Variants in DCLRE1A observed in about 807,000 individuals in gnomAD.
The protein encoded by DCLRE1A is DNA cross-link repair 1A protein.
DCLRE1A carries 64 observed loss-of-function variants against 91.9 expected under a neutral mutation model. The observed-to-expected ratio is 0.70, with a 90% confidence interval of 0.57 to 0.86. The LOEUF (loss-of-function observed/expected upper bound fraction) is 0.86, where lower values mean the gene tolerates loss of function less well. Among genes scored for constraint, DCLRE1A ranks in the 40% least tolerant of loss-of-function variants. DCLRE1A has a pLI of 0.00. For missense variants in DCLRE1A, 1,145 were observed against 1,213.3 expected (o/e 0.94, Z 0.84); for synonymous variants, 416 against 431.1 (o/e 0.96, Z 0.43).
At chr10:113,838,673 T>C (rs1845398004) in intron 7 of DCLRE1A, among the ~76,000 whole-genome samples, 1 of 152,206 alleles carries the variant, frequency 6.6e-6, no homozygotes, top group African/African-American at 2.4e-5. Context: ...TGGTAACCAG[T>C]TTGGGAGAAA....
intron 7 of DCLRE1A, among the ~76,000 whole-genome samples, chr10:113,840,695 CTCAT>C (rs1845432949): frequency 6.6e-6 from 1 of 152,180 alleles, no homozygotes; most frequent in African/African-American, 2.4e-5. Context: ...TGCCTCACCT[CTCAT>C]TCATTCTTTT....
At chr10:113,835,623 C>T (rs1215967612) in intron 8 of DCLRE1A, among the ~76,000 whole-genome samples, 4 of 152,004 alleles carry the variant, frequency 2.6e-5, no homozygotes, top group African/African-American at 9.7e-5. Context: ...GCAGATCTGC[C>T]CCTTGTTGTT....
In DCLRE1A at chr10:113,849,729, G is replaced by GT; in HGVS notation, c.1375_1376insA (p.Pro459HisfsTer4). 6.2e-7 allele frequency: 1 copy of GT among 1,614,038 alleles called. No individual in the cohort carries two copies. The highest frequency in any genetic ancestry group is 8.5e-7 in the Non-Finnish European group (1 of 1,180,006). ...TTTCAACATTAAACTCTTAACTAAC[G>GT]GAAGAGAAACTTGATTGTAAACAGA... On this transcript the variant is annotated frameshift_variant, in exon 2 of 9. Coordinates refer to ENST00000361384, the MANE Select transcript of DCLRE1A (RefSeq NM_014881.5). LOFTEE classifies it high-confidence loss of function.
intron 3 of DCLRE1A, 57 bp downstream of exon 3, chr10:113,847,145 A>G: frequency 7.0e-7 from 1 of 1,437,176 alleles, no homozygotes; most frequent in Middle Eastern, 1.9e-4. Flanking sequence ...TTTTAACCAA[A>G]TTGCTTAGAA....
intron 5 of DCLRE1A, among the ~76,000 whole-genome samples, 176 bp downstream of exon 5, chr10:113,843,928 C>T (rs1240165774): frequency 6.6e-6 from 1 of 152,220 alleles, no homozygotes; most frequent in Non-Finnish European, 1.5e-5. Flanking sequence ...AGTCAGTTAA[C>T]ACATACAATC....
chr10:113,852,824 C>T lies in DCLRE1A; in HGVS notation c.359G>A (p.Gly120Glu). The change falls in exon 1 of 9, where the codon GGA becomes GAA. Residue 120 changes from glycine to glutamate, a missense_variant. Physicochemically the swap from Gly to Glu is moderately conservative, Grantham distance 98. Coordinates refer to ENST00000361384, the MANE Select transcript of DCLRE1A (RefSeq NM_014881.5). The stretch of plus-strand genomic sequence containing the variant: ...AGGCATCTGGCAATTTGGACAGTAT[C>T]CATCATAAACTGGACGTATCTTTGG... ...VSPKIRPVYD[G>E]YCPNCQMPFS... is the part of the protein sequence containing the mutation. The T allele has an allele frequency of 1.2e-6, 2 of 1,614,146 alleles. No homozygotes were observed. The highest frequency in any genetic ancestry group is 1.7e-6 in the Non-Finnish European group (2 of 1,180,020).
chr10:113,853,563 T>G lies in DCLRE1A; in HGVS notation c.-381A>C, dbSNP rs1294191909. 6.1e-6 allele frequency: 1 copy of G among 163,538 alleles called. No homozygotes were observed. The highest frequency in any genetic ancestry group is 2.4e-5 in the African/African-American group (1 of 41,772). 10.1% of individuals were successfully genotyped at this position (163,538 alleles called of 1,614,324 possible). On this transcript the variant is annotated 5_prime_UTR_variant, in exon 1 of 9. The change abolishes the stop of an existing upstream ORF in the 5' untranslated region. Coordinates refer to ENST00000361384, the MANE Select transcript of DCLRE1A (RefSeq NM_014881.5). Reference sequence around the variant, plus strand: ...CAAATATAGGTTCAACAGCTTAATCTTAGAACGAGATTTGTAACATTGTTA... The same window carrying G: ...CAAATATAGGTTCAACAGCTTAATCGTAGAACGAGATTTGTAACATTGTTA...
intron 7 of DCLRE1A, among the ~76,000 whole-genome samples, chr10:113,839,072 TC>T (rs1845405499): frequency 6.6e-6 from 1 of 152,084 alleles, no homozygotes; most frequent in Non-Finnish European, 1.5e-5. Flanking sequence ...ACGCATGTAT[TC>T]CCAGCACTTT....
intron 1 of DCLRE1A, 118 bp downstream of exon 1, chr10:113,852,605 G>T: frequency 3.1e-6 from 3 of 956,634 alleles, no homozygotes; most frequent in Non-Finnish European, 4.6e-6. Flanking sequence ...GTGTTTCCCA[G>T]TGTCTCATCT....
chr10:113,842,215 C>G, intron 6 of DCLRE1A, 128 bp downstream of exon 6: 1 of 814,224 alleles, frequency 1.2e-6, no homozygotes, highest in African/African-American at 1.7e-5. Flanking sequence ...CCTTCAACTT[C>G]AAAGGTAATA....
chr10:113,838,047 C>G (rs1464522436), intron 7 of DCLRE1A, among the ~76,000 whole-genome samples: 2 of 151,972 alleles, frequency 1.3e-5, no homozygotes, highest in Non-Finnish European at 2.9e-5. Flanking sequence ...TCTTTTGTAT[C>G]AAATAAGAGC....
intron 1 of DCLRE1A, among the ~76,000 whole-genome samples, 155 bp downstream of exon 1, chr10:113,852,568 T>C (rs1186017451): frequency 6.6e-6 from 1 of 152,262 alleles, no homozygotes. Context: ...TGCCATTTGC[T>C]TTACAATTAT....
Position 113,847,297 on chromosome 10 carries a change from C to T in DCLRE1A, c.2164G>A (p.Val722Ile), listed in dbSNP as rs1266413887. 1 of 1,613,950 alleles carries T rather than the reference C, an allele frequency of 6.2e-7. No homozygotes were observed. Among genetic ancestry groups the T allele is most frequent in the Non-Finnish European group, 8.5e-7 (1 of 1,179,938 alleles). Residue 722 changes from valine (V) to isoleucine (I), a missense_variant, in exon 3 of 9, where the codon GTT becomes ATT. Physicochemically the swap from Val to Ile is conservative, Grantham distance 29. Transcript: ENST00000361384. Reference sequence around the variant, plus strand: ...AGAAAATAGGCTGTGCAACCTTCAACCACGCCATACTGAAAGGCATCAACT... The same window carrying T: ...AGAAAATAGGCTGTGCAACCTTCAATCACGCCATACTGAAAGGCATCAACT... ...FTVDAFQYGV[V>I]EGCTAYFLTH...
chr10:113,850,663 A>G lies in DCLRE1A; in HGVS notation c.461-19T>C. 2 of 1,548,390 alleles carry G rather than the reference A, an allele frequency of 1.3e-6. No homozygotes were observed. Among genetic ancestry groups the G allele is most frequent in the Non-Finnish European group, 1.7e-6 (2 of 1,146,390 alleles). ...GGACACTCTGAAATTTTAATAAAGA[A>G]AAAATATTACACGATCAAAGCATAG... On this transcript the variant is annotated intron_variant, in intron 1 of 8. Coordinates refer to ENST00000361384, the MANE Select transcript of DCLRE1A (RefSeq NM_014881.5).
rs750562684 is a variant in DCLRE1A, at chr10:113,852,947, C to A, written c.236G>T (p.Ser79Ile). The A allele has an allele frequency of 6.2e-7, 1 of 1,614,180 alleles. No individual in the cohort carries two copies. Among genetic ancestry groups the A allele is most frequent in the East Asian group, 2.2e-5 (1 of 44,890 alleles). The change falls in exon 1 of 9, where the codon AGT (serine) becomes ATT (isoleucine). Residue 79 changes from serine (S) to isoleucine (I), a missense_variant. Transcript: ENST00000361384. ...ACCATCTCCACAACTTGAATTCTGACTAGAAGCAACAGAAGTCTGACAACC... is the reference window on the plus strand; with the variant it reads ...ACCATCTCCACAACTTGAATTCTGAATAGAAGCAACAGAAGTCTGACAACC... ...NAGCQTSVAS[S>I]QNSSCGDGIQ...
intron 7 of DCLRE1A, among the ~76,000 whole-genome samples, chr10:113,839,370 T>C (rs1480556085): frequency 1.3e-5 from 2 of 150,034 alleles, no homozygotes; most frequent in African/African-American, 4.9e-5. Flanking sequence ...CGAAAATATT[T>C]GGGTAAATGA....
In DCLRE1A at chr10:113,850,464, G is replaced by T. The variant is rs755461252; in HGVS notation, c.641C>A (p.Ser214Tyr). Residue 214 changes from serine (S) to tyrosine (Y), a missense_variant, in exon 2 of 9, where the codon TCT becomes TAT. Coordinates refer to ENST00000361384, the MANE Select transcript of DCLRE1A (RefSeq NM_014881.5). ...GVLCSLEERW[S>Y]SYQNQTDNSV... ...GTTATCAGTTTGGTTCTGATACGAAGACCATCTTTCCTCAAGGCTACAAAG... is the reference window on the plus strand; with the variant it reads ...GTTATCAGTTTGGTTCTGATACGAATACCATCTTTCCTCAAGGCTACAAAG... 6.2e-7 allele frequency: 1 copy of T among 1,614,152 alleles called. No individual in the cohort carries two copies. The highest frequency in any genetic ancestry group is 1.1e-5 in the South Asian group (1 of 91,070).
At chr10:113,848,352 AT>A (rs1845576628) in intron 2 of DCLRE1A, among the ~76,000 whole-genome samples, 1 of 152,150 alleles carries the variant, frequency 6.6e-6, no homozygotes, top group African/African-American at 2.4e-5. Context: ...ATTAATCAAA[AT>A]AATTATTAAA....
Position 113,852,637 on chromosome 10 carries a change from C to A in DCLRE1A, c.460+86G>T, listed in dbSNP as rs1044975479. On this transcript the variant is annotated intron_variant, in intron 1 of 8. Transcript: ENST00000361384. ...ATCTCTCTTTTAGGTTACTGCTTGC[C>A]TTCCTTGTTTCACTGAATTGGTATG... 3.2e-5 allele frequency: 43 copies of A among 1,334,296 alleles called. 1 individual carries two copies. In the South Asian group the frequency reaches 5.6e-4, roughly 18 times the overall value. The allele number at this position is 1,334,296 out of a possible 1,614,324, so 82.7% of individuals were successfully genotyped here.
Sources: allele counts gnomAD v4.1 joint callset (sites outside exome capture counted in the v4.1 genomes callset), GRCh38; gene constraint gnomAD v4.1.1; transcripts MANE v1.5; gene names NCBI Gene and HGNC (gene_info 2026-07-23, HGNC 2026-07-21).